Variants in TDRD3 observed in about 807,000 individuals in gnomAD.
The protein encoded by TDRD3 is tudor domain containing 3, also known as tudor domain-containing protein 3.
A neutral mutation model predicts 86.7 loss-of-function variants in TDRD3; 45 were observed. The ratio of observed to expected loss-of-function variants is 0.52; its 90% confidence interval spans 0.41 to 0.67. The LOEUF (loss-of-function observed/expected upper bound fraction) is 0.67. TDRD3 is among the 30% of genes least tolerant of loss of function. The pLI is 0.00. For missense variants in TDRD3, 814 were observed against 889.0 expected (o/e 0.92, Z 1.07); for synonymous variants, 298 against 301.7 (o/e 0.99, Z 0.13).
chr13:60,488,300 G>A (rs549431518), intron 7 of TDRD3, among the ~76,000 whole-genome samples: 38 of 152,282 alleles, frequency 2.5e-4, no homozygotes, highest in African/African-American at 8.7e-4. Context: ...TGGTGATCTG[G>A]TTAATTTTAG....
chr13:60,396,266 T>G (rs953140082), upstream of TDRD3, among the ~76,000 whole-genome samples: 1 of 152,178 alleles, frequency 6.6e-6, no homozygotes. Context: ...GAAGCCTTTT[T>G]CCCCGCAATA....
chr13:60,426,856 G>A (rs187301349), intron 1 of TDRD3, among the ~76,000 whole-genome samples: 21 of 152,282 alleles, frequency 1.4e-4, no homozygotes, highest in Admixed American at 4.6e-4. Context: ...ACGTCACAGA[G>A]TGTTCTTACA....
intron 12 of TDRD3, among the ~76,000 whole-genome samples, chr13:60,542,774 C>T (rs1220739325): frequency 6.6e-6 from 1 of 152,100 alleles, no homozygotes; most frequent in Non-Finnish European, 1.5e-5. Context: ...TCTCAATTTC[C>T]ATTGTTTCCT....
At position 60,509,868 on chromosome 13, in the gene TDRD3, G is replaced by A. The variant is rs918079029; in HGVS notation, c.964G>A (p.Val322Ile). The A allele has an allele frequency of 7.4e-6, 12 of 1,613,650 alleles. No homozygotes were observed. In the Middle Eastern group the frequency reaches 4.9e-4, roughly 66 times the overall value. ...NGNNLEAALN[V>I]LLTSNKQKPV... ...CAACAACTTAGAAGCAGCACTGAAC[G>A]TACTTCTTACAAGCAATAAACAGAA... Residue 322 changes from valine (V) to isoleucine (I), a missense_variant, in exon 9 of 14, where the codon GTA (valine) becomes ATA (isoleucine). Transcript: ENST00000377881.
chr13:60,470,832 C>G (rs1482958918), intron 5 of TDRD3, among the ~76,000 whole-genome samples: 1 of 152,096 alleles, frequency 6.6e-6, no homozygotes, highest in Non-Finnish European at 1.5e-5. Context: ...ATCTGCCGGT[C>G]TCAGCCTCTA....
chr13:60,461,026 ATAAATT>A (rs914689379), intron 4 of TDRD3: 37 of 151,940 alleles, frequency 2.4e-4, no homozygotes, highest in African/African-American at 8.9e-4. Flanking sequence ...TAAAATAAAA[ATAAATT>A]AAAAAATAGT....
intron 12 of TDRD3, among the ~76,000 whole-genome samples, chr13:60,551,695 T>G (rs1222344786): frequency 1.3e-5 from 2 of 152,214 alleles, no homozygotes; most frequent in Non-Finnish European, 2.9e-5. Context: ...AACATAAAGA[T>G]ACTACCTGAG....
intron 8 of TDRD3, among the ~76,000 whole-genome samples, chr13:60,508,105 A>G (rs897576541): frequency 6.6e-6 from 1 of 152,218 alleles, no homozygotes; most frequent in Non-Finnish European, 1.5e-5. Context: ...ACCATTGCTC[A>G]AGGAAATAAG....
chr13:60,411,985 A>T (rs1594900493), intron 1 of TDRD3, among the ~76,000 whole-genome samples: 1 of 152,208 alleles, frequency 6.6e-6, no homozygotes. Flanking sequence ...CCATAGAGTC[A>T]GTTCCCTGAG....
intron 5 of TDRD3, among the ~76,000 whole-genome samples, chr13:60,468,653 T>C (rs944814960): frequency 7.2e-5 from 11 of 152,166 alleles, no homozygotes; most frequent in African/African-American, 2.2e-4. Context: ...ATAAGGGCTG[T>C]TAAATAACTT....
chr13:60,478,769 C>G (rs527262446), intron 5 of TDRD3, among the ~76,000 whole-genome samples: 5 of 141,354 alleles, frequency 3.5e-5, no homozygotes, highest in Admixed American at 7.0e-5. Flanking sequence ...TCTTGTTCTT[C>G]TAGGTGCAAC....
At chr13:60,468,892 T>A (rs1956013028) in intron 5 of TDRD3, among the ~76,000 whole-genome samples, 1 of 152,210 alleles carries the variant, frequency 6.6e-6, no homozygotes, top group South Asian at 2.1e-4. Flanking sequence ...TGTATTCTTG[T>A]GACACCCTCA....
intron 8 of TDRD3, chr13:60,509,529 G>T: frequency 2.2e-6 from 1 of 459,366 alleles, no homozygotes; most frequent in Non-Finnish European, 3.9e-6. Flanking sequence ...TTTTTTGTGT[G>T]TTGCTTTTGC....
chr13:60,497,267 C>T lies in TDRD3; in HGVS notation c.858+2692C>T, dbSNP rs1016450893. On this transcript the variant is annotated intron_variant, in intron 8 of 13. Transcript: ENST00000377881. ...GTTGCAAGATTTAATAGAGTGAAAACAGAGCTCCCATAAAATGGGAGGGGA... is the reference window on the plus strand; with the variant it reads ...GTTGCAAGATTTAATAGAGTGAAAATAGAGCTCCCATAAAATGGGAGGGGA... Among the ~76,000 whole-genome samples, 34 of 152,098 alleles carry T rather than the reference C, an allele frequency of 2.2e-4. 1 individual carries two copies. The highest frequency in any genetic ancestry group is 1.2e-4 in the Non-Finnish European group (8 of 68,014).
chr13:60,401,102 A>G (rs919942800), intron 1 of TDRD3, among the ~76,000 whole-genome samples: 1 of 152,210 alleles, frequency 6.6e-6, no homozygotes, highest in African/African-American at 2.4e-5. Flanking sequence ...GCAGTGAATC[A>G]ACTAATTGTG....
chr13:60,447,274 G>A (rs904767629), intron 3 of TDRD3, among the ~76,000 whole-genome samples: 22 of 152,084 alleles, frequency 1.4e-4, no homozygotes, highest in Non-Finnish European at 2.9e-5. Context: ...TAAATGATAC[G>A]GACCAGGAAC....
chr13:60,537,829 A>G (rs1957731779), intron 12 of TDRD3: 1 of 152,042 alleles, frequency 6.6e-6, no homozygotes, highest in Non-Finnish European at 1.5e-5. Flanking sequence ...TATTGCCACA[A>G]GATTTTGGAA....
At chr13:60,468,300 T>C (rs1380068098) in intron 5 of TDRD3, among the ~76,000 whole-genome samples, 1 of 152,184 alleles carries the variant, frequency 6.6e-6, no homozygotes, top group African/African-American at 2.4e-5. Context: ...TTAAACGTTT[T>C]TCCATTTTTA....
chr13:60,431,825 AT>A (rs1430055624), intron 1 of TDRD3, among the ~76,000 whole-genome samples: 1 of 151,946 alleles, frequency 6.6e-6, no homozygotes, highest in Admixed American at 6.6e-5. Context: ...AGTAAAATAA[AT>A]CTTATATTGA....
Sources: allele counts gnomAD v4.1 joint callset (sites outside exome capture counted in the v4.1 genomes callset), GRCh38; gene constraint gnomAD v4.1.1; transcripts MANE v1.5; gene names NCBI Gene and HGNC (gene_info 2026-07-23, HGNC 2026-07-21).